Variants in DACH2 observed in about 807,000 individuals in gnomAD.
DACH2 encodes dachshund homolog 2.
A neutral mutation model predicts 35.8 loss-of-function variants in DACH2; 17 were observed. The ratio of observed to expected loss-of-function variants is 0.48; its 90% confidence interval spans 0.33 to 0.71. The LOEUF is 0.71. DACH2 is among the 30% of genes least tolerant of loss of function. The pLI is 0.02. For missense variants in DACH2, 469 were observed against 472.7 expected (o/e 0.99, Z 0.07); for synonymous variants, 195 against 177.3 (o/e 1.10, Z -0.79).
intron 1 of DACH2, among the ~76,000 whole-genome samples, chrX:86,258,851 C>A (rs1251139586): frequency 1.8e-5 from 2 of 111,573 alleles, no homozygotes; most frequent in African/African-American, 6.5e-5. Context: ...TTAGGTACAT[C>A]ATAAAAATAC....
chrX:86,399,062 G>A (rs1312630125), intron 2 of DACH2, among the ~76,000 whole-genome samples: 1 of 111,497 alleles, frequency 9.0e-6, no homozygotes, highest in Non-Finnish European at 1.9e-5. Context: ...TATGAATCTC[G>A]GTCCTCCTGT....
chrX:86,507,491 C>T (rs1399056538), intron 2 of DACH2, among the ~76,000 whole-genome samples: 1 of 102,385 alleles, frequency 9.8e-6, no homozygotes, highest in Non-Finnish European at 2.0e-5. Context: ...AAAAAACCAG[C>T]GGCAGTTACA....
chrX:86,415,409 A>G (rs2036687184), intron 2 of DACH2, among the ~76,000 whole-genome samples: 1 of 112,034 alleles, frequency 8.9e-6, no homozygotes. Flanking sequence ...CCTAATTCCA[A>G]ATCATCTTTT....
chrX:86,452,369 C>T (rs1169915300), intron 2 of DACH2, among the ~76,000 whole-genome samples: 2 of 111,530 alleles, frequency 1.8e-5, no homozygotes, highest in East Asian at 5.6e-4. Flanking sequence ...CCTTCGTTTT[C>T]AATTTTTTGG....
chrX:86,321,676 T>G (rs991005516), intron 1 of DACH2, among the ~76,000 whole-genome samples: 2 of 111,537 alleles, frequency 1.8e-5, no homozygotes, highest in African/African-American at 3.3e-5. Context: ...ACTATAAAGA[T>G]ATATTATTCA....
At chrX:86,378,374 C>T (rs957567050) in intron 2 of DACH2, among the ~76,000 whole-genome samples, 1 of 110,170 alleles carries the variant, frequency 9.1e-6, no homozygotes, top group Non-Finnish European at 1.9e-5. Flanking sequence ...CCAATCCCTA[C>T]TGAGGCAAGG....
intron 1 of DACH2, among the ~76,000 whole-genome samples, chrX:86,217,407 C>T (rs964812222): frequency 2.0e-4 from 22 of 111,355 alleles, no homozygotes; most frequent in Non-Finnish European, 3.0e-4. Context: ...TTAAATAAAA[C>T]AATGACCTGT....
At chrX:86,178,206 A>G (rs1386922898) in intron 1 of DACH2, among the ~76,000 whole-genome samples, 5 of 111,531 alleles carry the variant, frequency 4.5e-5, no homozygotes, top group African/African-American at 1.6e-4. Context: ...TTTTGCTCAG[A>G]ACAACCATCT....
intron 7 of DACH2, among the ~76,000 whole-genome samples, chrX:86,789,015 C>T (rs768145281): frequency 9.0e-6 from 1 of 111,519 alleles, no homozygotes; most frequent in African/African-American, 3.3e-5. Context: ...TTTTAAAATC[C>T]GTATGTCTAC....
intron 7 of DACH2, among the ~76,000 whole-genome samples, chrX:86,772,007 T>C (rs2041992012): frequency 8.9e-6 from 1 of 111,738 alleles, no homozygotes; most frequent in Non-Finnish European, 1.9e-5. Flanking sequence ...TTGCTAACAG[T>C]GCAGAATCTA....
chrX:86,483,014 G>A (rs2037963900), intron 2 of DACH2, among the ~76,000 whole-genome samples: 1 of 106,989 alleles, frequency 9.3e-6, no homozygotes, highest in Admixed American at 1.0e-4. Context: ...GGGAGGGATA[G>A]CATTGGGAGA....
chrX:86,548,505 T>C (rs979629424), intron 3 of DACH2, among the ~76,000 whole-genome samples: 2 of 112,198 alleles, frequency 1.8e-5, no homozygotes, highest in African/African-American at 6.5e-5. Flanking sequence ...TGTCCGTCTG[T>C]GAAACAAATC....
intron 1 of DACH2, among the ~76,000 whole-genome samples, chrX:86,177,655 C>T (rs1247913945): frequency 1.8e-5 from 2 of 111,128 alleles, no homozygotes; most frequent in Non-Finnish European, 3.8e-5. Flanking sequence ...TTTTGGTCAG[C>T]ATTTGCAGAC....
In DACH2 at chrX:86,159,207, T is replaced by C. The variant is rs187370348; in HGVS notation, c.488+10099T>C. Among the ~76,000 whole-genome samples, 121 of 111,747 alleles carry C rather than the reference T, an allele frequency of 1.1e-3. 1 individual carries two copies. The highest frequency in any genetic ancestry group is 3.9e-3 in the African/African-American group (120 of 30,864). ...TAAGATCCTCAATCTTAGAGCATCA[T>C]TTGCTTTGCATGTGGTCCTATACAA... On this transcript the variant is annotated intron_variant, in intron 1 of 11. Coordinates refer to ENST00000373125, the MANE Select transcript of DACH2 (RefSeq NM_053281.3).
chrX:86,730,952 A>G (rs1602864750), intron 6 of DACH2, among the ~76,000 whole-genome samples: 1 of 111,784 alleles, frequency 8.9e-6, no homozygotes, highest in East Asian at 2.8e-4. Context: ...TTGAGTGCAT[A>G]CACACGAAAT....
intron 2 of DACH2, among the ~76,000 whole-genome samples, chrX:86,383,752 C>T (rs1201027674): frequency 9.3e-6 from 1 of 108,078 alleles, no homozygotes; most frequent in African/African-American, 3.4e-5. Flanking sequence ...AAATGTAATG[C>T]AGAGTGACTA....
intron 3 of DACH2, among the ~76,000 whole-genome samples, chrX:86,620,936 C>A (rs748787167): frequency 3.3e-4 from 37 of 111,395 alleles, no homozygotes; most frequent in African/African-American, 1.2e-3. Context: ...GATTGACATC[C>A]CTCTTTTTAG....
intron 1 of DACH2, among the ~76,000 whole-genome samples, chrX:86,296,938 A>G (rs1192210296): frequency 9.2e-6 from 1 of 109,044 alleles, no homozygotes; most frequent in East Asian, 2.9e-4. Context: ...ATATAGACAC[A>G]CATGTCATAA....
intron 1 of DACH2, among the ~76,000 whole-genome samples, chrX:86,157,390 T>C (rs1230693325): frequency 1.8e-5 from 2 of 111,587 alleles, no homozygotes; most frequent in African/African-American, 6.5e-5. Flanking sequence ...AAAAGTAATA[T>C]TGATCTGTCG....
Sources: gnomAD v4.1 joint callset for allele counts (sites outside exome capture counted in the v4.1 genomes callset) on GRCh38, gnomAD v4.1.1 for gene constraint, MANE v1.5 for transcripts, NCBI Gene and HGNC (gene_info 2026-07-23, HGNC 2026-07-21) for gene names.